Variants in SLC41A1 observed in about 807,000 individuals in gnomAD.
The protein encoded by SLC41A1 is solute carrier family 41 member 1.
Under a neutral mutation model 47.3 loss-of-function variants are expected in SLC41A1, and 20 were observed. The ratio of observed to expected loss-of-function variants is 0.42; its 90% CI spans 0.30 to 0.61. The LOEUF is 0.61. SLC41A1 is among the 20% of genes least tolerant of loss of function. The pLI, the probability that SLC41A1 is intolerant of heterozygous loss-of-function variation, is 0.17. For synonymous variants in SLC41A1, 282 were observed against 272.7 expected (o/e 1.03, Z -0.34); for missense variants, 504 against 674.1 (o/e 0.75, Z 2.79).
At chr1:205,806,757 C>T (rs930168606) in intron 2 of SLC41A1, among the ~76,000 whole-genome samples, 1 of 152,326 alleles carries the variant, frequency 6.6e-6, no homozygotes, top group African/African-American at 2.4e-5. Context: ...CCTTATTTCA[C>T]TGCAGATGCT....
Sources: allele counts gnomAD v4.1 joint callset (sites outside exome capture counted in the v4.1 genomes callset), GRCh38; gene constraint gnomAD v4.1.1; transcripts MANE v1.5; gene names NCBI Gene and HGNC (gene_info 2026-07-23, HGNC 2026-07-21).